The following ITPR1 variants were observed in gnomAD, a reference collection of about 807,000 sequenced individuals.
The protein encoded by ITPR1 is inositol 1,4,5-trisphosphate receptor type 1, also known as inositol 1,4,5-trisphosphate-gated calcium channel ITPR1.
Under a neutral mutation model 318.4 loss-of-function variants are expected in ITPR1, and 96 were observed. That is an observed-to-expected ratio of 0.30 (90% confidence interval 0.26 to 0.36). The LOEUF (loss-of-function observed/expected upper bound fraction) is 0.36. Among genes scored for constraint, ITPR1 ranks in the 10% least tolerant of loss-of-function variants. The probability of loss-of-function intolerance (pLI) is 1.00; values close to 1 mark genes in which losing one functional copy is unlikely to be tolerated. For synonymous variants in ITPR1, 1,312 were observed against 1,289.9 expected (o/e 1.02, Z -0.37); for missense variants, 2,440 against 3,460.2 (o/e 0.71, Z 7.40).
chr3:4,768,911 C>CTTT (rs201819900), intron 46 of ITPR1, 147 bp downstream of exon 46: 11 of 680,502 alleles, frequency 1.6e-5, no homozygotes, highest in South Asian at 4.9e-5. Context: ...TTTCTTTTTT[C>CTTT]TTTTTTCTTT....
At chr3:4,527,908 G>T (rs914759868) in intron 4 of ITPR1, among the ~76,000 whole-genome samples, 5 of 151,894 alleles carry the variant, frequency 3.3e-5, no homozygotes, top group African/African-American at 1.2e-4. Flanking sequence ...AGAGAGAAGG[G>T]TTTTACATCT....
At chr3:4,814,740 C>A in intron 58 of ITPR1, 178 bp downstream of exon 58, 1 of 654,082 alleles carries the variant, frequency 1.5e-6, no homozygotes, top group Non-Finnish European at 2.6e-6. Context: ...GAGGTGGTGC[C>A]GCAAAGTCAG....
chr3:4,637,055 C>G (rs1177587696), intron 5 of ITPR1, among the ~76,000 whole-genome samples: 2 of 152,210 alleles, frequency 1.3e-5, no homozygotes, highest in African/African-American at 4.8e-5. Context: ...CAGTTTTTCT[C>G]TTAAAGATGA....
intron 45 of ITPR1, 178 bp from the exon 46 acceptor site, chr3:4,768,333 G>A (rs773773520): frequency 6.3e-6 from 4 of 635,818 alleles, no homozygotes; most frequent in Non-Finnish European, 1.0e-5. Context: ...GGCAGGGCCT[G>A]GCTCGGTTTT....
intron 5 of ITPR1, among the ~76,000 whole-genome samples, chr3:4,632,030 T>C (rs1365909377): frequency 6.6e-6 from 1 of 152,218 alleles, no homozygotes; most frequent in Non-Finnish European, 1.5e-5. Context: ...CATCCTTGCA[T>C]AGGATTGTAA....
chr3:4,595,268 T>A (rs865782787), intron 4 of ITPR1, among the ~76,000 whole-genome samples: 4 of 152,154 alleles, frequency 2.6e-5, no homozygotes, highest in African/African-American at 9.7e-5. Flanking sequence ...CTGGGGAGGC[T>A]TCAGGAAACT....
chr3:4,646,845 A>G (rs1325071600), intron 10 of ITPR1, among the ~76,000 whole-genome samples: 1 of 152,094 alleles, frequency 6.6e-6, no homozygotes, highest in Non-Finnish European at 1.5e-5. Flanking sequence ...TCTAATTTGA[A>G]TAGATAAATT....
chr3:4,733,283 T>C, intron 43 of ITPR1, 63 bp downstream of exon 43: 1 of 1,576,934 alleles, frequency 6.3e-7, no homozygotes. Context: ...TAGCTGCATG[T>C]TTCCTCCTAA....
At chr3:4,688,470 C>T (rs544437340) in intron 30 of ITPR1, 25 bp from the exon 31 acceptor site, 5 of 1,612,458 alleles carry the variant, frequency 3.1e-6, no homozygotes, top group South Asian at 2.2e-5. Flanking sequence ...GCAATCAGTG[C>T]TTTCATCTGT....
chr3:4,727,259 A>G, intron 42 of ITPR1, 86 bp downstream of exon 42: 1 of 961,788 alleles, frequency 1.0e-6, no homozygotes, highest in Non-Finnish European at 1.5e-6. Context: ...ATTGAGAGAC[A>G]GCTTTTGTTG....
chr3:4,761,861 C>T (rs535612439), intron 44 of ITPR1, among the ~76,000 whole-genome samples: 17 of 152,294 alleles, frequency 1.1e-4, no homozygotes, highest in Admixed American at 1.3e-4. Context: ...GCCCTGCAAA[C>T]GCATCATTAC....
intron 4 of ITPR1, among the ~76,000 whole-genome samples, chr3:4,627,170 TAA>T (rs71623171): frequency 0.087 from 12,879 of 147,408 alleles, 718 homozygotes; most frequent in African/African-American, 0.16. Context: ...TGGATTTGTA[TAA>T]AAAAAAAAAT....
rs1202060797 is a variant in ITPR1, at chr3:4,727,140, T to C, written c.5187T>C (p.Ser1729=). 6.3e-7 allele frequency: 1 copy of C among 1,598,028 alleles called. No homozygotes were observed. Among genetic ancestry groups the C allele is most frequent in the Non-Finnish European group, 8.5e-7 (1 of 1,178,872 alleles). Residue 1729 remains serine, a synonymous_variant, in exon 42 of 62, where the codon AGT becomes AGC. Coordinates refer to ENST00000649015, the MANE Select transcript of ITPR1 (RefSeq NM_001378452.1). The part of the protein sequence containing the change: ...SENATEELEP[S]PPLRQLEDHK... Reference sequence around the variant, plus strand: ...ATGCCTAGCAGGAGCTTGAACCAAGTCCACCCCTGCGGCAGCTGGAAGACC... The same window carrying C: ...ATGCCTAGCAGGAGCTTGAACCAAGCCCACCCCTGCGGCAGCTGGAAGACC...
At chr3:4,665,011 G>T (rs1471051749) in intron 16 of ITPR1, 127 bp from the exon 17 acceptor site, 16 of 910,092 alleles carry the variant, frequency 1.8e-5, no homozygotes, top group Non-Finnish European at 2.6e-5. Context: ...TCAGGTTATG[G>T]ATGTGTTGGG....
chr3:4,646,353 C>T (rs2093457057), intron 10 of ITPR1, among the ~76,000 whole-genome samples: 3 of 152,156 alleles, frequency 2.0e-5, no homozygotes, highest in Admixed American at 2.0e-4. Flanking sequence ...GATCTGGTAC[C>T]TGCAGGATGA....
At position 4,598,048 on chromosome 3, in the gene ITPR1, G is replaced by A. The variant is rs189613716; in HGVS notation, c.164-29715G>A. On this transcript the variant is annotated intron_variant, in intron 4 of 61. Coordinates refer to ENST00000649015, the MANE Select transcript of ITPR1 (RefSeq NM_001378452.1). ...GCCTGCTGAGTCTTCCGTTTCCTGC[G>A]TCTTATTGGTTGGCACATGGCATGG... is the stretch of plus-strand genomic sequence containing the variant. Among the ~76,000 whole-genome samples the A allele has an allele frequency of 1.3e-3, 193 of 152,324 alleles. 1 individual carries two copies. Among genetic ancestry groups the A allele is most frequent in the Admixed American group, 9.2e-3 (141 of 15,306 alleles).
intron 60 of ITPR1, among the ~76,000 whole-genome samples, chr3:4,819,030 C>T (rs2049500275): frequency 6.6e-6 from 1 of 152,318 alleles, no homozygotes; most frequent in Admixed American, 6.5e-5. Flanking sequence ...AAGGGGCCAA[C>T]TCTCCTTCCA....
chr3:4,640,401 A>G (rs552021231), intron 6 of ITPR1, among the ~76,000 whole-genome samples: 2 of 150,846 alleles, frequency 1.3e-5, no homozygotes, highest in Admixed American at 6.6e-5. Context: ...CTGCTTGAAG[A>G]TTAGATCCTG....
At chr3:4,569,982 T>A (rs1559466161) in intron 4 of ITPR1, among the ~76,000 whole-genome samples, 1 of 152,200 alleles carries the variant, frequency 6.6e-6, no homozygotes, top group African/African-American at 2.4e-5. Context: ...GGCTGGTATT[T>A]ACTGATATTC....
Sources: allele counts gnomAD v4.1 joint callset (sites outside exome capture counted in the v4.1 genomes callset), GRCh38; gene constraint gnomAD v4.1.1; transcripts MANE v1.5; gene names NCBI Gene and HGNC (gene_info 2026-07-23, HGNC 2026-07-21).